MYO10: variants seen among roughly 807,000 people sequenced by gnomAD.
The protein encoded by MYO10 is myosin X.
MYO10 carries 133 observed loss-of-function variants against 257.3 expected under a neutral mutation model. The ratio of observed to expected loss-of-function variants is 0.52; its 90% CI spans 0.45 to 0.60. MYO10 has a LOEUF of 0.60. Among genes scored for constraint, MYO10 ranks in the 20% least tolerant of loss-of-function variants. The pLI is 0.00. For synonymous variants in MYO10, 1,104 were observed against 1,028.6 expected (o/e 1.07, Z -1.40); for missense variants, 2,399 against 2,635.7 (o/e 0.91, Z 1.97).
intron 2 of MYO10, among the ~76,000 whole-genome samples, chr5:16,848,155 C>CTTTTTTTTCTTTCTTTCTTT (rs1554002447): frequency 7.9e-5 from 9 of 113,596 alleles, no homozygotes; most frequent in African/African-American, 3.4e-4. Flanking sequence ...CTACACATTT[C>CTTTTTTTTCTTTCTTTCTTT]TTTTTTTTTT....
intron 2 of MYO10, among the ~76,000 whole-genome samples, chr5:16,847,423 CA>C (rs34084990): frequency 0.15 from 19,914 of 134,154 alleles, 2,030 homozygotes; most frequent in African/African-American, 0.3. Flanking sequence ...GACTCCACCT[CA>C]AAAAAAAAAA....
intron 2 of MYO10, among the ~76,000 whole-genome samples, chr5:16,850,813 G>C (rs1024685756): frequency 7.2e-6 from 1 of 138,230 alleles, no homozygotes; most frequent in Non-Finnish European, 1.6e-5. Context: ...TACGGGCGGG[G>C]GGGTGGGACA....
intron 10 of MYO10, among the ~76,000 whole-genome samples, 168 bp from the exon 11 acceptor site, chr5:16,766,366 T>C (rs1224395756): frequency 2.0e-5 from 3 of 152,218 alleles, no homozygotes; most frequent in Admixed American, 1.3e-4. Context: ...ATTAGTAGCA[T>C]AGAGCCTCGT....
At chr5:16,707,839 G>C (rs1738415129) in intron 21 of MYO10, among the ~76,000 whole-genome samples, 1 of 152,174 alleles carries the variant, frequency 6.6e-6, no homozygotes, top group East Asian at 1.9e-4. Context: ...AAGAATGCTT[G>C]CCTTACAAGA....
chr5:16,740,402 T>C (rs948066553), intron 19 of MYO10, among the ~76,000 whole-genome samples: 3 of 148,362 alleles, frequency 2.0e-5, no homozygotes, highest in African/African-American at 7.5e-5. Flanking sequence ...GGGTGGGAGT[T>C]GGGGGTGCAG....
In MYO10 at chr5:16,701,942, T is replaced by A; in HGVS notation, c.2557-104A>T. On this transcript the variant is annotated intron_variant, in intron 24 of 40. Coordinates refer to ENST00000513610, the MANE Select transcript of MYO10 (RefSeq NM_012334.3). The surrounding 1 kb of genome is among the most constrained non-coding windows in gnomAD (Gnocchi z 8.1). ...GAAATATGGTCATTATGAGTTGGAC[T>A]GTGTCCCCATAAAGTCTATAGGTTG... is the stretch of plus-strand genomic sequence containing the variant. 7.5e-7 allele frequency: 1 copy of A among 1,325,730 alleles called. No homozygotes were observed. Among genetic ancestry groups the A allele is most frequent in the Non-Finnish European group, 1.0e-6 (1 of 985,228 alleles). The allele number at this position is 1,325,730 out of a possible 1,614,324, so 82.1% of individuals were successfully genotyped here.
intron 1 of MYO10, among the ~76,000 whole-genome samples, chr5:16,891,086 C>T (rs902534148): frequency 2.6e-5 from 4 of 151,780 alleles, no homozygotes; most frequent in East Asian, 3.9e-4. Flanking sequence ...TGTTAGAGAC[C>T]GGCCTGACTA....
At chr5:16,793,121 G>C (rs1347409035) in intron 4 of MYO10, among the ~76,000 whole-genome samples, 1 of 152,098 alleles carries the variant, frequency 6.6e-6, no homozygotes, top group Admixed American at 6.6e-5. Flanking sequence ...GAGGAGAAAT[G>C]AATGAAGAAA....
Position 16,681,959 on chromosome 5 carries a change from G to A in MYO10, c.4101C>T (p.Asp1367=), listed in dbSNP as rs368894995. The A allele has an allele frequency of 1.2e-6, 2 of 1,613,782 alleles. No individual in the cohort carries two copies. The highest frequency in any genetic ancestry group is 1.3e-5 in the African/African-American group (1 of 74,902). The change falls in exon 31 of 41, where the codon GAC becomes GAT. Residue 1367 remains aspartate (D), a synonymous_variant. Transcript: ENST00000513610. ...TANRVLHCNA[D]TPEEMHHWIT... is the part of the protein sequence containing the mutation. The stretch of plus-strand genomic sequence containing the variant: ...TCCAGTGGTGCATCTCCTCCGGCGT[G>A]TCGGCGTTGCAGTGCAGCACCCGGT...
At chr5:16,724,026 C>A (rs1304613545) in intron 19 of MYO10, among the ~76,000 whole-genome samples, 1 of 152,134 alleles carries the variant, frequency 6.6e-6, no homozygotes, top group Non-Finnish European at 1.5e-5. Flanking sequence ...ATGGTGGATA[C>A]ATGACATCAT....
intron 2 of MYO10, among the ~76,000 whole-genome samples, chr5:16,842,705 G>A (rs906519990): frequency 3.3e-5 from 5 of 152,022 alleles, no homozygotes; most frequent in Non-Finnish European, 7.4e-5. Context: ...TGGGAGGATC[G>A]CTTGAGACCA....
At position 16,664,363 on chromosome 5, in the gene MYO10, GT is replaced by G; in HGVS notation, c.*2328del. 6.6e-6 allele frequency: 1 copy of G among 152,156 alleles called. No individual in the cohort carries two copies. The highest frequency in any genetic ancestry group is 1.5e-5 in the Non-Finnish European group (1 of 68,034). The allele number at this position is 152,156 out of a possible 1,614,324, so 9.4% of individuals were successfully genotyped here. A position where few individuals can be genotyped will look rare whatever the true frequency, so the allele number is the denominator to read the frequency against. On this transcript the variant is annotated 3_prime_UTR_variant, in exon 41 of 41. Coordinates refer to ENST00000513610, the MANE Select transcript of MYO10 (RefSeq NM_012334.3). ...TAAGTCACAGAGGGAATCCTGAGAG[GT>G]GAGCAGTAGAAAGAAGACTTCTGTC...
rs2126643939 is a variant in MYO10 at position 16,755,565 on chromosome 5, C to T, written c.1849-657G>A. 2.0e-5 allele frequency among the ~76,000 whole-genome samples: 3 copies of T among 152,328 alleles called. No homozygotes were observed. The South Asian group carries it at 6.2e-4, about 32-fold the overall frequency. ...GAAAAACTGAGAAATAGCCACTCTTCCACTGTCATTATTCTTCCCAATTCA... is the reference window on the plus strand; with the variant it reads ...GAAAAACTGAGAAATAGCCACTCTTTCACTGTCATTATTCTTCCCAATTCA... On this transcript the variant is annotated intron_variant, in intron 18 of 40. Transcript: ENST00000513610.
intron 1 of MYO10, among the ~76,000 whole-genome samples, chr5:16,896,689 G>C (rs1364664445): frequency 6.6e-6 from 1 of 152,204 alleles, no homozygotes; most frequent in Non-Finnish European, 1.5e-5. Context: ...CACCAATCCA[G>C]CTGTGCAGAA....
intron 1 of MYO10, among the ~76,000 whole-genome samples, chr5:16,906,784 G>A (rs1745531071): frequency 6.6e-6 from 1 of 152,134 alleles, no homozygotes; most frequent in African/African-American, 2.4e-5. Flanking sequence ...CCATCCCCTT[G>A]CCTCTCAAGC....
intron 4 of MYO10, among the ~76,000 whole-genome samples, chr5:16,789,273 TAC>T (rs1294918923): frequency 6.6e-6 from 1 of 152,250 alleles, no homozygotes; most frequent in African/African-American, 2.4e-5. Context: ...GCCTAAAATA[TAC>T]ACTCTTTGGC....
intron 32 of MYO10, 111 bp downstream of exon 32, chr5:16,681,195 AACT>A: frequency 1.7e-6 from 2 of 1,175,658 alleles, no homozygotes; most frequent in South Asian, 3.2e-5. Flanking sequence ...CCAAGAGGAC[AACT>A]TCTTTGGGGG....
chr5:16,687,377 A>G (rs1259371154), intron 28 of MYO10, among the ~76,000 whole-genome samples: 1 of 151,370 alleles, frequency 6.6e-6, no homozygotes, highest in Non-Finnish European at 1.5e-5. Flanking sequence ...AAAATCAAGC[A>G]GAACAAAGCA....
intron 4 of MYO10, among the ~76,000 whole-genome samples, chr5:16,791,358 TA>T (rs1741750272): frequency 6.6e-6 from 1 of 151,508 alleles, no homozygotes; most frequent in African/African-American, 2.4e-5. Flanking sequence ...CTATTAAAAC[TA>T]AAACACATTT....
Sources: gnomAD v4.1 joint callset for allele counts (sites outside exome capture counted in the v4.1 genomes callset) on GRCh38, gnomAD v4.1.1 for gene constraint, Gnocchi (gnomAD v3.1) non-coding constraint, MANE v1.5 for transcripts, NCBI Gene and HGNC (gene_info 2026-07-23, HGNC 2026-07-21) for gene names.